ADAMTS16: variants seen among roughly 807,000 people sequenced by gnomAD.
ADAMTS16 encodes ADAM metallopeptidase with thrombospondin type 1 motif 16.
In ADAMTS16, 94 loss-of-function variants were observed where a neutral mutation model predicts 145.8. The observed-to-expected ratio is 0.64, with a 90% CI of 0.55 to 0.77. The LOEUF (loss-of-function observed/expected upper bound fraction) is 0.77, where lower values mean the gene tolerates loss of function less well. Among genes scored for constraint, ADAMTS16 ranks in the 30% least tolerant of loss-of-function variants. The pLI is 0.00. For synonymous variants in ADAMTS16, 659 were observed against 604.3 expected, an observed-to-expected ratio of 1.09 and a Z score of -1.33; for missense variants, 1,585 against 1,591.5, an observed-to-expected ratio of 1.00 and a Z score of 0.07.
At chr5:5,230,014 C>A (rs1736878221) in intron 11 of ADAMTS16, among the ~76,000 whole-genome samples, 3 of 152,166 alleles carry the variant, frequency 2.0e-5, no homozygotes, top group Admixed American at 2.0e-4. Context: ...ATTCTGTGTG[C>A]ATATACATGA....
In ADAMTS16 at chr5:5,235,017, A is replaced by G. The variant is rs777273256; in HGVS notation, c.1854A>G (p.Pro618=). 7 of 1,570,190 alleles carry G rather than the reference A, an allele frequency of 4.5e-6. No individual in the cohort carries two copies. In the East Asian group the frequency reaches 9.1e-5, roughly 20 times the overall value. Residue 618 remains proline (P), a synonymous_variant, in exon 13 of 23, where the codon CCA becomes CCG. Coordinates refer to ENST00000274181, the MANE Select transcript of ADAMTS16 (RefSeq NM_139056.4). ...AACTTCAAAATACACATTCCAGGCCATCGCATGGAGGGAAGTTCTGTGAGG... is the reference window on the plus strand; with the variant it reads ...AACTTCAAAATACACATTCCAGGCCGTCGCATGGAGGGAAGTTCTGTGAGG... ...HRSRLCTNPK[P]SHGGKFCEGS...
rs369747426 is a variant in ADAMTS16 at position 5,186,045 on chromosome 5, T to C, written c.764-7T>C. 1.8e-5 allele frequency: 29 copies of C among 1,610,804 alleles called. No individual in the cohort carries two copies. In the African/African-American group the frequency reaches 3.6e-4, roughly 20 times the overall value. ...CTTCCATTTGCCCTCCATGTGTCCC[T>C]CCATAGACATGCCCCAGCCTCCCAA... is the stretch of plus-strand genomic sequence containing the variant. On this transcript the variant is annotated splice_region_variant and splice_polypyrimidine_tract_variant and intron_variant, in intron 4 of 22. Transcript: ENST00000274181.
intron 18 of ADAMTS16, among the ~76,000 whole-genome samples, chr5:5,300,757 C>T (rs1739735133): frequency 6.6e-6 from 1 of 152,176 alleles, no homozygotes. Flanking sequence ...TCAGGACTTT[C>T]AGAAGAGTCC....
chr5:5,192,057 C>T (rs1735674582), intron 8 of ADAMTS16, among the ~76,000 whole-genome samples: 1 of 152,172 alleles, frequency 6.6e-6, no homozygotes, highest in South Asian at 2.1e-4. Flanking sequence ...GACCTCAGCT[C>T]ACTGCAATGT....
intron 18 of ADAMTS16, among the ~76,000 whole-genome samples, chr5:5,293,700 T>C (rs1230792503): frequency 2.0e-5 from 3 of 152,226 alleles, no homozygotes; most frequent in Non-Finnish European, 4.4e-5. Context: ...GAGTTTACTA[T>C]ATTGCTGAGG....
rs989913894 is a variant in ADAMTS16 at position 5,140,353 on chromosome 5, G to A, written c.-115G>A. ...TCAGTAATAACCCCGGCGCGGCGGC[G>A]GAGTCGCTGTGGGGAATCCTCCCGC... On this transcript the variant is annotated 5_prime_UTR_variant, in exon 1 of 23. Coordinates refer to ENST00000274181, the MANE Select transcript of ADAMTS16 (RefSeq NM_139056.4). The A allele has an allele frequency of 6.6e-6, 7 of 1,056,570 alleles. No individual in the cohort carries two copies. In the East Asian group the frequency reaches 1.3e-4, roughly 20 times the overall value. The allele number at this position is 1,056,570 out of a possible 1,614,324, so 65.4% of individuals were successfully genotyped here. A position where few individuals can be genotyped will look rare whatever the true frequency, so the allele number is the denominator to read the frequency against.
Position 5,239,889 on chromosome 5 carries a change from C to A in ADAMTS16, c.2487C>A (p.Ile829=), listed in dbSNP as rs11742370. 285,707 of 1,613,818 alleles carry A rather than the reference C, an allele frequency of 0.18. 27,280 individuals are homozygous for A. The highest frequency in any genetic ancestry group is 0.22 in the South Asian group (19,976 of 91,034). The change falls in exon 16 of 23, where the codon ATC becomes ATA. Residue 829 remains isoleucine, a synonymous_variant. Transcript: ENST00000274181. ...RRSYNEPENL[I]ATGPTNETLI... ...CCTATAATGAGCCCGAGAACTTAAT[C>A]GCTACTGGACCAACCAACGAGACAC...
intron 17 of ADAMTS16, among the ~76,000 whole-genome samples, chr5:5,255,955 C>T (rs1432236133): frequency 2.0e-5 from 3 of 152,172 alleles, no homozygotes; most frequent in African/African-American, 7.2e-5. Context: ...CCTCTGAATA[C>T]TGCTTTAGCT....
chr5:5,151,522 A>G (rs1734457329), intron 3 of ADAMTS16, among the ~76,000 whole-genome samples: 1 of 152,024 alleles, frequency 6.6e-6, no homozygotes, highest in Admixed American at 6.6e-5. Context: ...ACAGGTGTGA[A>G]CCACTGTACC....
intron 22 of ADAMTS16, 52 bp from the exon 23 acceptor site, chr5:5,318,971 A>G: frequency 7.4e-7 from 1 of 1,351,458 alleles, no homozygotes; most frequent in Non-Finnish European, 1.0e-6. Context: ...AGCTGGCAAC[A>G]TCAGTCGCTG....
At chr5:5,161,135 C>G (rs947874991) in intron 3 of ADAMTS16, among the ~76,000 whole-genome samples, 1 of 152,200 alleles carries the variant, frequency 6.6e-6, no homozygotes, top group Non-Finnish European at 1.5e-5. Context: ...GTTATCTGTT[C>G]TATCCAACAG....
chr5:5,249,393 CG>C (rs1482414286), intron 17 of ADAMTS16, among the ~76,000 whole-genome samples: 2 of 152,080 alleles, frequency 1.3e-5, no homozygotes, highest in African/African-American at 4.8e-5. Context: ...CGGATTGGCA[CG>C]GTGTTCTGAA....
intron 12 of ADAMTS16, among the ~76,000 whole-genome samples, chr5:5,234,089 A>G (rs947157246): frequency 6.6e-6 from 1 of 152,134 alleles, no homozygotes; most frequent in African/African-American, 2.4e-5. Context: ...AAGATGTGTC[A>G]CTTGGCTTGT....
At chr5:5,154,297 C>G (rs1304096974) in intron 3 of ADAMTS16, among the ~76,000 whole-genome samples, 1 of 152,128 alleles carries the variant, frequency 6.6e-6, no homozygotes, top group Non-Finnish European at 1.5e-5. Flanking sequence ...GGATAAAGAA[C>G]GGCCAAAGCT....
rs561319069 is a variant in ADAMTS16 at position 5,188,897 on chromosome 5, C to T, written c.1048-1074C>T. ...TTAATTATTCCTGGTATTAAAACCTCTTCACCTTGGAATTCATCCAAGCTG... is the reference window on the plus strand; with the variant it reads ...TTAATTATTCCTGGTATTAAAACCTTTTCACCTTGGAATTCATCCAAGCTG... On this transcript the variant is annotated intron_variant, in intron 6 of 22. Transcript: ENST00000274181. Among the ~76,000 whole-genome samples, 6 of 152,246 alleles carry T rather than the reference C, an allele frequency of 3.9e-5. No homozygotes were observed. In the South Asian group the frequency reaches 1.2e-3, roughly 32 times the overall value.
rs1172445446 is a variant in ADAMTS16, at chr5:5,159,066, A to G, written c.501+12611A>G. 2.0e-5 allele frequency among the ~76,000 whole-genome samples: 3 copies of G among 152,372 alleles called. No individual in the cohort carries two copies. The East Asian group carries it at 5.8e-4, about 29-fold the overall frequency. ...TTTACCTTGTTTGGTTAGTTAAGAT[A>G]AACCAGATAATAATCAATGTCTTTT... On this transcript the variant is annotated intron_variant, in intron 3 of 22. Coordinates refer to ENST00000274181, the MANE Select transcript of ADAMTS16 (RefSeq NM_139056.4).
chr5:5,298,571 CT>C (rs1739642166), intron 18 of ADAMTS16, among the ~76,000 whole-genome samples: 1 of 152,258 alleles, frequency 6.6e-6, no homozygotes, highest in South Asian at 2.1e-4. Flanking sequence ...GGCCTCTGTA[CT>C]TTCAGCTTAC....
At position 5,303,343 on chromosome 5, in the gene ADAMTS16, A is replaced by G; in HGVS notation, c.2865A>G (p.Thr955=). ...GGAQSRPVQC[T]RRVHYDSEPV... is the part of the protein sequence containing the mutation. ...CCCAGAGCCGCCCCGTGCAGTGCACACGGCGGGTGCACTATGACTCGGAGC... is the reference window on the plus strand; with the variant it reads ...CCCAGAGCCGCCCCGTGCAGTGCACGCGGCGGGTGCACTATGACTCGGAGC... Residue 955 remains threonine (T), a synonymous_variant, in exon 19 of 23, where the codon ACA becomes ACG. Coordinates refer to ENST00000274181, the MANE Select transcript of ADAMTS16 (RefSeq NM_139056.4). The G allele has an allele frequency of 1.9e-6, 3 of 1,604,692 alleles. No individual in the cohort carries two copies. Among genetic ancestry groups the G allele is most frequent in the East Asian group, 4.5e-5 (2 of 44,574 alleles).
At chr5:5,246,758 C>A (rs1472782403) in intron 17 of ADAMTS16, among the ~76,000 whole-genome samples, 2 of 152,136 alleles carry the variant, frequency 1.3e-5, no homozygotes, top group Non-Finnish European at 2.9e-5. Flanking sequence ...GAATCGAGTA[C>A]TTCGATCCAG....
Sources: gnomAD v4.1 joint callset for allele counts (sites outside exome capture counted in the v4.1 genomes callset) on GRCh38, gnomAD v4.1.1 for gene constraint, MANE v1.5 for transcripts, NCBI Gene and HGNC (gene_info 2026-07-23, HGNC 2026-07-21) for gene names.